Variants in TLN2 observed in about 807,000 individuals in gnomAD.
TLN2 encodes talin-2.
A neutral mutation model predicts 294.7 loss-of-function variants in TLN2; 118 were observed. That is an observed-to-expected ratio of 0.40 (90% confidence interval 0.34 to 0.47). TLN2 has a LOEUF of 0.47. Ranked by LOEUF, TLN2 falls within the 20% of genes least tolerant of loss-of-function variation. The probability of loss-of-function intolerance (pLI) is 0.84; values close to 1 mark genes in which losing one functional copy is unlikely to be tolerated. For synonymous variants in TLN2, 1,431 were observed against 1,304.5 expected, an observed-to-expected ratio of 1.10 and a Z score of -2.09; for missense variants, 3,083 against 3,282.2, an observed-to-expected ratio of 0.94 and a Z score of 1.48.
At chr15:62,395,786 G>C (rs1462736126) in intron 1 of TLN2, among the ~76,000 whole-genome samples, 1 of 152,066 alleles carries the variant, frequency 6.6e-6, no homozygotes, top group South Asian at 2.1e-4. Flanking sequence ...TAAAATAAAA[G>C]CTAGTTGCAG....
intron 9 of TLN2, among the ~76,000 whole-genome samples, chr15:62,664,772 C>G (rs1243271170): frequency 7.0e-6 from 1 of 142,608 alleles, no homozygotes; most frequent in East Asian, 2.1e-4. Context: ...GCACGAGAAT[C>G]ACTTGAACCT....
chr15:62,529,373 G>A (rs1344026707), intron 1 of TLN2, among the ~76,000 whole-genome samples: 2 of 152,236 alleles, frequency 1.3e-5, no homozygotes, highest in African/African-American at 2.4e-5. Context: ...ACACGTGTGA[G>A]CCACTGCGCC....
chr15:62,507,633 G>C (rs558272169), intron 1 of TLN2, among the ~76,000 whole-genome samples: 1 of 152,358 alleles, frequency 6.6e-6, no homozygotes, highest in African/African-American at 2.4e-5. Flanking sequence ...CCATGAGCTT[G>C]AGTTAGTGCA....
At chr15:62,634,058 T>C (rs954921646) in intron 3 of TLN2, among the ~76,000 whole-genome samples, 2 of 152,222 alleles carry the variant, frequency 1.3e-5, no homozygotes, top group East Asian at 1.9e-4. Context: ...CATTTTAACC[T>C]GATTGCCTCT....
chr15:62,702,956 A>C (rs1356110946), intron 19 of TLN2, 92 bp downstream of exon 19: 2 of 1,148,610 alleles, frequency 1.7e-6, no homozygotes, highest in East Asian at 2.4e-5. Flanking sequence ...AAACTAACTA[A>C]ATCTTTGAGA....
chr15:62,568,438 T>C (rs1486528804), intron 1 of TLN2, among the ~76,000 whole-genome samples: 5 of 152,154 alleles, frequency 3.3e-5, no homozygotes, highest in Non-Finnish European at 7.4e-5. Flanking sequence ...TTTTGGTCTA[T>C]AGGTAAGAGG....
chr15:62,412,339 C>G (rs748938140), intron 1 of TLN2, among the ~76,000 whole-genome samples: 1 of 152,140 alleles, frequency 6.6e-6, no homozygotes, highest in Non-Finnish European at 1.5e-5. Flanking sequence ...TTGGAAGAGA[C>G]GGAGGTCTGG....
chr15:62,697,301 G>T lies in TLN2; in HGVS notation c.1293-387G>T, dbSNP rs550724094. Among the ~76,000 whole-genome samples the T allele has an allele frequency of 2.0e-5, 3 of 152,206 alleles. No homozygotes were observed. In the South Asian group the frequency reaches 6.2e-4, roughly 32 times the overall value. ...TTGTTGAATTTTTTGTAGAGACGAG[G>T]TCTCATTATGTTGCCCAGGCTGGTC... On this transcript the variant is annotated intron_variant, in intron 14 of 58. Coordinates refer to ENST00000636159, the MANE Select transcript of TLN2 (RefSeq NM_015059.3).
chr15:62,444,949 A>G (rs188775470), intron 1 of TLN2, among the ~76,000 whole-genome samples: 26 of 152,296 alleles, frequency 1.7e-4, no homozygotes, highest in African/African-American at 5.8e-4. Context: ...GGCCTTACTG[A>G]TGAACTAAAA....
chr15:62,720,568 T>A (rs79038162), intron 25 of TLN2, among the ~76,000 whole-genome samples: 2 of 152,162 alleles, frequency 1.3e-5, no homozygotes, highest in South Asian at 4.1e-4. Context: ...TTTCAAGTTA[T>A]ATAACTCTAA....
rs747403105 is a variant in TLN2 at position 62,781,163 on chromosome 15, A to G, written c.5538A>G (p.Glu1846=). 6.2e-7 allele frequency: 1 copy of G among 1,614,190 alleles called. No homozygotes were observed. The highest frequency in any genetic ancestry group is 8.5e-7 in the Non-Finnish European group (1 of 1,180,016). Residue 1846 remains glutamate, a synonymous_variant, in exon 44 of 59, where the codon GAA becomes GAG. Coordinates refer to ENST00000636159, the MANE Select transcript of TLN2 (RefSeq NM_015059.3). ...AGCTGGATGAAGGCACTCCTCCAGAACCAAAGGGAACATTTGTCGACTATC... is the reference window on the plus strand; with the variant it reads ...AGCTGGATGAAGGCACTCCTCCAGAGCCAAAGGGAACATTTGTCGACTATC... The part of the protein sequence containing the change: ...MSKLDEGTPP[E]PKGTFVDYQT...
At chr15:62,603,435 T>C (rs561639469) in intron 2 of TLN2, among the ~76,000 whole-genome samples, 1 of 149,374 alleles carries the variant, frequency 6.7e-6, no homozygotes, top group South Asian at 2.1e-4. Context: ...TGTAGTGGCA[T>C]AGAGAGAGAG....
At chr15:62,462,106 G>A (rs1156816721) in intron 1 of TLN2, among the ~76,000 whole-genome samples, 2 of 152,164 alleles carry the variant, frequency 1.3e-5, no homozygotes, top group Non-Finnish European at 2.9e-5. Flanking sequence ...GTGGTGGCGG[G>A]TGCCTGTAGT....
At chr15:62,672,327 T>A (rs1333636390) in intron 9 of TLN2, among the ~76,000 whole-genome samples, 2 of 152,268 alleles carry the variant, frequency 1.3e-5, no homozygotes, top group Non-Finnish European at 2.9e-5. Context: ...AATGATTTTT[T>A]AAAAAAATCT....
intron 2 of TLN2, among the ~76,000 whole-genome samples, chr15:62,597,858 G>A (rs942056245): frequency 3.9e-5 from 6 of 152,266 alleles, no homozygotes; most frequent in Middle Eastern, 3.4e-3. Flanking sequence ...AATTTTGTGC[G>A]TGAAACAAAG....
chr15:62,736,905 C>T lies in TLN2; in HGVS notation c.3386C>T (p.Ala1129Val). The change falls in exon 29 of 59, where the codon GCT becomes GTT. Residue 1129 changes from alanine (A) to valine (V), a missense_variant. Coordinates refer to ENST00000636159, the MANE Select transcript of TLN2 (RefSeq NM_015059.3). The stretch of plus-strand genomic sequence containing the variant: ...GTGGCTGCTAGAGAGACGGCCCAAG[C>T]TCTGAAAACACTGGCCCAGGCCGCC... ...TGVAARETAQ[A>V]LKTLAQAARG... The T allele has an allele frequency of 6.2e-7, 1 of 1,614,178 alleles. No homozygotes were observed. Among genetic ancestry groups the T allele is most frequent in the Non-Finnish European group, 8.5e-7 (1 of 1,180,030 alleles).
Position 62,696,733 on chromosome 15 carries a change from A to G in TLN2, c.1293-955A>G, listed in dbSNP as rs180851917. ...TAAAAAAATAAATTTTAAAAAATGC[A>G]ATTTTTTCCATTAGATACCTTAAGA... On this transcript the variant is annotated intron_variant, in intron 14 of 58. Transcript: ENST00000636159. 2.5e-4 allele frequency among the ~76,000 whole-genome samples: 38 copies of G among 152,292 alleles called. No individual in the cohort carries two copies. The East Asian group carries it at 6.9e-3, about 28-fold the overall frequency.
chr15:62,596,785 T>C (rs2046563512), intron 2 of TLN2, among the ~76,000 whole-genome samples: 1 of 151,978 alleles, frequency 6.6e-6, no homozygotes, highest in Non-Finnish European at 1.5e-5. Flanking sequence ...TAAGTCAAAG[T>C]ATTGCATGCA....
chr15:62,619,870 T>G (rs555191345), intron 3 of TLN2, among the ~76,000 whole-genome samples: 1 of 152,256 alleles, frequency 6.6e-6, no homozygotes, highest in East Asian at 1.9e-4. Context: ...TTGTGGTCAT[T>G]TTTTTTAGCT....
Sources: gnomAD v4.1 joint callset for allele counts (sites outside exome capture counted in the v4.1 genomes callset) on GRCh38, gnomAD v4.1.1 for gene constraint, MANE v1.5 for transcripts, NCBI Gene and HGNC (gene_info 2026-07-23, HGNC 2026-07-21) for gene names.